Variants in MAP4 observed in about 807,000 individuals in gnomAD.
MAP4 encodes microtubule associated protein 4.
MAP4 carries 76 observed loss-of-function variants against 170.2 expected under a neutral mutation model. The ratio of observed to expected loss-of-function variants is 0.45; its 90% confidence interval spans 0.37 to 0.54. MAP4 has a LOEUF of 0.54. MAP4 is among the 20% of genes least tolerant of loss of function. MAP4 has a pLI of 0.00. For synonymous variants in MAP4, 909 were observed against 994.5 expected, an observed-to-expected ratio of 0.91 and a Z score of 1.62; for missense variants, 2,506 against 2,748.0, an observed-to-expected ratio of 0.91 and a Z score of 1.97.
chr3:48,042,556 A>G (rs565737150), intron 1 of MAP4, among the ~76,000 whole-genome samples: 2 of 152,252 alleles, frequency 1.3e-5, no homozygotes, highest in Admixed American at 6.5e-5. Context: ...CAAAACCACA[A>G]TGAGATCCTA....
At chr3:47,858,061 TTGCCCAGGCTGGC>T (rs923106032) in intron 17 of MAP4, among the ~76,000 whole-genome samples, 25 of 148,090 alleles carry the variant, frequency 1.7e-4, no homozygotes, top group Non-Finnish European at 3.1e-4. Flanking sequence ...TTCACTCTTG[TTGCCCAGGCTGGC>T]ACGATCTTGG....
At chr3:48,066,122 G>A (rs2100138146) in intron 1 of MAP4, among the ~76,000 whole-genome samples, 1 of 151,968 alleles carries the variant, frequency 6.6e-6, no homozygotes, top group Non-Finnish European at 1.5e-5. Flanking sequence ...AGTTTTCTGG[G>A]GACAGGGTCT....
chr3:47,968,044 G>C (rs557135708), intron 3 of MAP4, among the ~76,000 whole-genome samples: 1 of 152,156 alleles, frequency 6.6e-6, no homozygotes, highest in South Asian at 2.1e-4. Context: ...TCATTTGTGT[G>C]TATCTTTCTT....
At chr3:48,018,471 C>T (rs527538639), upstream of MAP4, among the ~76,000 whole-genome samples, 9 of 152,230 alleles carry the variant, frequency 5.9e-5, no homozygotes, top group South Asian at 1.9e-3. Context: ...AAAGAATAAA[C>T]AGATTCAAGG....
At chr3:47,920,544 GTTTTTTTTTTTT>G (rs71070241) in intron 5 of MAP4, among the ~76,000 whole-genome samples, 1 of 96,588 alleles carries the variant, frequency 1.0e-5, no homozygotes, top group Non-Finnish European at 2.1e-5. Context: ...CACCCAGATG[GTTTTTTTTTTTT>G]TTTTTTTTTT....
At chr3:47,941,497 G>A (rs1250884353) in intron 3 of MAP4, among the ~76,000 whole-genome samples, 1 of 151,884 alleles carries the variant, frequency 6.6e-6, no homozygotes, top group Non-Finnish European at 1.5e-5. Context: ...CGAAACCATG[G>A]CTGGGCTCGG....
chr3:47,972,468 G>A (rs1279109359), intron 3 of MAP4, among the ~76,000 whole-genome samples: 1 of 152,150 alleles, frequency 6.6e-6, no homozygotes, highest in Non-Finnish European at 1.5e-5. Flanking sequence ...ACCTCCTTTT[G>A]GAATAACTTC....
intron 6 of MAP4, 81 bp downstream of exon 6, chr3:47,918,638 G>C: frequency 8.8e-7 from 1 of 1,132,810 alleles, no homozygotes; most frequent in Non-Finnish European, 1.3e-6. Context: ...GCTGTAAGCT[G>C]CTAAAAAATA....
intron 10 of MAP4, among the ~76,000 whole-genome samples, chr3:47,887,491 C>A (rs1408282380): frequency 6.6e-6 from 1 of 152,246 alleles, no homozygotes; most frequent in African/African-American, 2.4e-5. Context: ...GCCTCCCACC[C>A]CTCCATGGGC....
At chr3:48,078,189 C>A (rs2100144889) in intron 1 of MAP4, among the ~76,000 whole-genome samples, 1 of 152,106 alleles carries the variant, frequency 6.6e-6, no homozygotes, top group Non-Finnish European at 1.5e-5. Context: ...CTCTGTGGCC[C>A]AGGCTAGAGT....
intron 1 of MAP4, among the ~76,000 whole-genome samples, chr3:48,030,346 G>A (rs2154515618): frequency 6.6e-6 from 1 of 151,984 alleles, no homozygotes; most frequent in South Asian, 2.1e-4. Context: ...CCCAGATGCT[G>A]GTTTCTAATA....
Position 47,911,870 on chromosome 3 carries a change from A to G in MAP4, c.2551T>C (p.Ser851Pro). The change falls in exon 9 of 21, where the codon TCA becomes CCA. Residue 851 changes from serine to proline, a missense_variant. Ser to Pro is a moderately conservative substitution (Grantham distance 74). This residue lies in a region of MAP4 where 2,008 missense variants were observed against 2,206.0 expected (regional missense o/e 0.91). Coordinates refer to ENST00000683076, the MANE Select transcript of MAP4 (RefSeq NM_001385682.1). The surrounding 1 kb of genome is among the most constrained non-coding windows in gnomAD (Gnocchi z 4.0). ...AARLVAENFV[S>P]ESLRIPLYPS... is the part of the protein sequence containing the mutation. ...TATAAAGGAATTCTGAGACTCTCTG[A>G]GACAAAGTTCTCAGCTACCAGTCTG... 1.3e-6 allele frequency: 2 copies of G among 1,536,090 alleles called. No homozygotes were observed. Among genetic ancestry groups the G allele is most frequent in the Non-Finnish European group, 1.7e-6 (2 of 1,146,898 alleles).
At chr3:47,980,025 G>A (rs2100084574) in intron 2 of MAP4, among the ~76,000 whole-genome samples, 1 of 151,866 alleles carries the variant, frequency 6.6e-6, no homozygotes, top group Admixed American at 6.6e-5. Flanking sequence ...GAAAAACGGG[G>A]TCTCCCTATG....
chr3:47,963,270 T>G (rs117919277), intron 3 of MAP4, among the ~76,000 whole-genome samples: 1 of 152,258 alleles, frequency 6.6e-6, no homozygotes, highest in Non-Finnish European at 1.5e-5. Context: ...TGGGTTGAAC[T>G]GTAAGAACTT....
intron 3 of MAP4, chr3:47,974,808 A>T: frequency 2.1e-6 from 2 of 967,748 alleles, no homozygotes; most frequent in Non-Finnish European, 2.5e-6. Flanking sequence ...ATAAAGGATT[A>T]TTTAATTTGG....
intron 1 of MAP4, among the ~76,000 whole-genome samples, chr3:48,002,531 G>GATTGTGA (rs2154389659): frequency 1.3e-5 from 2 of 152,186 alleles, no homozygotes; most frequent in East Asian, 3.9e-4. Flanking sequence ...TGGCACCACT[G>GATTGTGA]TACTCCAGCC....
chr3:47,933,980 T>C (rs534124545), intron 3 of MAP4, among the ~76,000 whole-genome samples: 2 of 152,296 alleles, frequency 1.3e-5, no homozygotes, highest in South Asian at 4.1e-4. Context: ...GTTAATTATG[T>C]AGTTTAATTT....
Position 48,076,847 on chromosome 3 carries a change from T to C in MAP4, c.-20+11926A>G, listed in dbSNP as rs558813081. 6.2e-4 allele frequency among the ~76,000 whole-genome samples: 94 copies of C among 152,254 alleles called. 2 individuals carry two copies. In the South Asian group the frequency reaches 0.019, roughly 32 times the overall value. Reference sequence around the variant, plus strand: ...TGGACTTCATCAAAATTTAAAACTTTTGTGTTTCAAAAGATACTATCAGTC... The same window carrying C: ...TGGACTTCATCAAAATTTAAAACTTCTGTGTTTCAAAAGATACTATCAGTC... On this transcript the variant is annotated intron_variant, in intron 1 of 18. Transcript: ENST00000360240.
At chr3:47,944,949 C>CTT (rs35189919) in intron 3 of MAP4, among the ~76,000 whole-genome samples, 84 of 127,136 alleles carry the variant, frequency 6.6e-4, no homozygotes, top group Middle Eastern at 4.0e-3. Flanking sequence ...AAAAAGGAAC[C>CTT]TTTTTTTTTT....
Sources: gnomAD v4.1 joint callset for allele counts (sites outside exome capture counted in the v4.1 genomes callset) on GRCh38, gnomAD v4.1.1 for gene constraint, gnomAD v4.1.1 regional missense constraint, Gnocchi (gnomAD v3.1) non-coding constraint, MANE v1.5 for transcripts, NCBI Gene and HGNC (gene_info 2026-07-23, HGNC 2026-07-21) for gene names.